Variants in ARHGAP42 observed in about 807,000 individuals in gnomAD.
ARHGAP42 encodes Rho GTPase activating protein 42.
ARHGAP42 carries 63 observed loss-of-function variants against 125.0 expected under a neutral mutation model. The observed-to-expected ratio is 0.50, with a 90% CI of 0.41 to 0.62. The LOEUF (loss-of-function observed/expected upper bound fraction) is 0.62. Among genes scored for constraint, ARHGAP42 ranks in the 20% least tolerant of loss-of-function variants. ARHGAP42 has a pLI of 0.00. For synonymous variants in ARHGAP42, 339 were observed against 351.0 expected (o/e 0.97, Z 0.38); for missense variants, 766 against 1,024.2 (o/e 0.75, Z 3.44).
chr11:100,940,210 GAAAA>G lies in ARHGAP42; in HGVS notation c.833-1570_833-1567del, dbSNP rs1000004019. On this transcript the variant is annotated intron_variant, in intron 8 of 23. Transcript: ENST00000298815. ...CGATACCGAGGGCATTATTATTAAA[GAAAA>G]AAATTAAATGGCTCATGAAACACTT... 2.0e-5 allele frequency among the ~76,000 whole-genome samples: 3 copies of G among 152,188 alleles called. No homozygotes were observed. The South Asian group carries it at 6.2e-4, about 32-fold the overall frequency.
chr11:100,950,072 C>G, intron 12 of ARHGAP42, 116 bp downstream of exon 12: 1 of 472,036 alleles, frequency 2.1e-6, no homozygotes, highest in South Asian at 7.4e-5. Context: ...TCTCATGGTA[C>G]AGCAACTTTG....
chr11:100,949,878 T>C, intron 11 of ARHGAP42, 39 bp from the exon 12 acceptor site: 2 of 1,360,396 alleles, frequency 1.5e-6, no homozygotes, highest in Non-Finnish European at 2.0e-6. Flanking sequence ...TGCTGGGTCA[T>C]TAACTGGAAG....
chr11:100,824,644 C>T lies in ARHGAP42; in HGVS notation c.312+29478C>T, dbSNP rs112698302. On this transcript the variant is annotated intron_variant, in intron 3 of 23. Coordinates refer to ENST00000298815, the MANE Select transcript of ARHGAP42 (RefSeq NM_152432.4). Reference sequence around the variant, plus strand: ...TGTAGTGAAAAATGTAGGGCTCTAGCGGAGACTCTTCTCCTAATCAACTAT... The same window carrying T: ...TGTAGTGAAAAATGTAGGGCTCTAGTGGAGACTCTTCTCCTAATCAACTAT... 3.3e-5 allele frequency among the ~76,000 whole-genome samples: 5 copies of T among 152,172 alleles called. No homozygotes were observed. The South Asian group carries it at 1.0e-3, about 32-fold the overall frequency.
intron 1 of ARHGAP42, among the ~76,000 whole-genome samples, chr11:100,759,189 C>T (rs1393620337): frequency 2.0e-5 from 3 of 152,128 alleles, no homozygotes; most frequent in African/African-American, 7.2e-5. Context: ...CTGCAGCTTG[C>T]TAACAGATCT....
chr11:100,794,055 A>C (rs905084049), intron 2 of ARHGAP42, among the ~76,000 whole-genome samples: 3 of 143,398 alleles, frequency 2.1e-5, no homozygotes, highest in Admixed American at 7.1e-5. Flanking sequence ...CAATCCGAAC[A>C]ACAGAGCTAG....
chr11:100,902,121 T>C (rs1345897371), intron 4 of ARHGAP42, among the ~76,000 whole-genome samples: 7 of 152,254 alleles, frequency 4.6e-5, no homozygotes, highest in Admixed American at 3.9e-4. Flanking sequence ...AGGCAGTTCC[T>C]GGAATTGGCT....
At chr11:100,734,882 C>T (rs1294144898) in intron 1 of ARHGAP42, among the ~76,000 whole-genome samples, 3 of 152,130 alleles carry the variant, frequency 2.0e-5, no homozygotes, top group Admixed American at 2.0e-4. Context: ...AGATGGAACA[C>T]CTTTCATTTA....
chr11:100,993,550 C>T lies in ARHGAP42; in HGVS notation c.*4749C>T, dbSNP rs569579547. 1 of 167,050 alleles carries T rather than the reference C, an allele frequency of 6.0e-6. No individual in the cohort carries two copies. The highest frequency in any genetic ancestry group is 2.4e-5 in the African/African-American group (1 of 41,528). 10.3% of individuals were successfully genotyped at this position (167,050 alleles called of 1,614,324 possible). On this transcript the variant is annotated 3_prime_UTR_variant, in exon 24 of 24. Coordinates refer to ENST00000298815, the MANE Select transcript of ARHGAP42 (RefSeq NM_152432.4). The stretch of plus-strand genomic sequence containing the variant: ...GTCCTTCTTGATTTCTGAGCTGAAA[C>T]CTTAACAAATAGGGAATTTGGCAGG...
chr11:100,870,160 CAATG>C (rs149354090), intron 4 of ARHGAP42, among the ~76,000 whole-genome samples: 1 of 152,270 alleles, frequency 6.6e-6, no homozygotes, highest in East Asian at 1.9e-4. Context: ...TGTTTTCTAG[CAATG>C]AAGTCTTCTC....
intron 3 of ARHGAP42, among the ~76,000 whole-genome samples, chr11:100,806,658 T>G (rs1002041496): frequency 7.2e-5 from 11 of 152,270 alleles, no homozygotes; most frequent in African/African-American, 2.6e-4. Flanking sequence ...TTTTCACATT[T>G]ACTGAATTGT....
At chr11:100,956,858 T>C (rs909713361) in intron 12 of ARHGAP42, among the ~76,000 whole-genome samples, 3 of 152,094 alleles carry the variant, frequency 2.0e-5, no homozygotes, top group Non-Finnish European at 4.4e-5. Flanking sequence ...TAAAAATAAG[T>C]GACAAAGTGA....
intron 1 of ARHGAP42, among the ~76,000 whole-genome samples, chr11:100,709,328 C>T (rs1379545162): frequency 6.6e-6 from 1 of 152,214 alleles, no homozygotes; most frequent in Non-Finnish European, 1.5e-5. Flanking sequence ...GTCTGTCTCT[C>T]AAATACCCTG....
intron 3 of ARHGAP42, among the ~76,000 whole-genome samples, chr11:100,856,423 T>G (rs1865323960): frequency 6.6e-6 from 1 of 152,094 alleles, no homozygotes; most frequent in South Asian, 2.1e-4. Context: ...ATAAAAGTCA[T>G]GTATTCCCAG....
At chr11:100,962,608 G>T in intron 16 of ARHGAP42, 141 bp downstream of exon 16, 1 of 726,278 alleles carries the variant, frequency 1.4e-6, no homozygotes. Context: ...CGGGTGCGGT[G>T]GCTCAAACCT....
chr11:100,748,997 T>C (rs1403308578), intron 1 of ARHGAP42, among the ~76,000 whole-genome samples: 1 of 152,052 alleles, frequency 6.6e-6, no homozygotes, highest in African/African-American at 2.4e-5. Context: ...TCTCTCTGCC[T>C]CTCTCTTTCT....
intron 1 of ARHGAP42, among the ~76,000 whole-genome samples, chr11:100,752,525 G>A (rs1261854947): frequency 6.6e-6 from 1 of 152,170 alleles, no homozygotes; most frequent in Admixed American, 6.5e-5. Context: ...GTCCCTGAGA[G>A]CCAGACTACT....
intron 11 of ARHGAP42, among the ~76,000 whole-genome samples, chr11:100,949,096 G>C (rs578115964): frequency 6.6e-6 from 1 of 152,164 alleles, no homozygotes; most frequent in East Asian, 1.9e-4. Flanking sequence ...ATCACTGTCT[G>C]TTTTCTTAAA....
chr11:100,749,941 G>T (rs755828570), intron 1 of ARHGAP42, among the ~76,000 whole-genome samples: 3 of 152,142 alleles, frequency 2.0e-5, no homozygotes, highest in Non-Finnish European at 2.9e-5. Flanking sequence ...CTTTAAGCTA[G>T]GTTGCTGGCC....
chr11:100,931,123 G>A (rs1440792297), intron 6 of ARHGAP42, among the ~76,000 whole-genome samples: 1 of 152,100 alleles, frequency 6.6e-6, no homozygotes, highest in Non-Finnish European at 1.5e-5. Context: ...TGTGCATGAA[G>A]CACAGTTTGT....
Sources: gnomAD v4.1 joint callset for allele counts (sites outside exome capture counted in the v4.1 genomes callset) on GRCh38, gnomAD v4.1.1 for gene constraint, MANE v1.5 for transcripts, NCBI Gene and HGNC (gene_info 2026-07-23, HGNC 2026-07-21) for gene names.